The following MYO9B variants were observed in gnomAD, a reference collection of about 807,000 sequenced individuals.
MYO9B encodes the protein myosin IXB, also known as unconventional myosin-IXb.
Under a neutral mutation model 229.5 loss-of-function variants are expected in MYO9B, and 71 were observed. The observed-to-expected ratio is 0.31, with a 90% CI of 0.26 to 0.38. MYO9B has a LOEUF of 0.38. MYO9B is among the 10% of genes least tolerant of loss of function. MYO9B has a pLI of 1.00. For synonymous variants in MYO9B, 1,185 were observed against 1,235.8 expected (o/e 0.96, Z 0.86); for missense variants, 2,255 against 2,920.5 (o/e 0.77, Z 5.25).
chr19:17,125,169 C>G (rs1360480639), intron 2 of MYO9B, among the ~76,000 whole-genome samples: 3 of 151,922 alleles, frequency 2.0e-5, no homozygotes, highest in African/African-American at 7.3e-5. Flanking sequence ...GGCGTGGTGG[C>G]ACATGCCTGT....
At chr19:17,202,730 C>A in intron 28 of MYO9B, 112 bp from the exon 29 acceptor site, 1 of 1,075,628 alleles carries the variant, frequency 9.3e-7, no homozygotes, top group Non-Finnish European at 1.3e-6. Flanking sequence ...GATGCCACTC[C>A]AGGTGAGGGA....
intron 2 of MYO9B, among the ~76,000 whole-genome samples, chr19:17,132,046 T>A (rs35075018): frequency 0.18 from 26,931 of 151,282 alleles, 2,650 homozygotes; most frequent in East Asian, 0.29. Context: ...CGCCTGGCTA[T>A]TTTTTTCTTT....
chr19:17,211,617 C>G, intron 38 of MYO9B, 30 bp from the exon 39 acceptor site: 1 of 1,565,536 alleles, frequency 6.4e-7, no homozygotes, highest in Non-Finnish European at 8.7e-7. Flanking sequence ...GGTGGGGTGG[C>G]CTTGGACACC....
chr19:17,111,761 C>T (rs574715317), intron 2 of MYO9B, among the ~76,000 whole-genome samples: 4 of 152,244 alleles, frequency 2.6e-5, no homozygotes, highest in South Asian at 2.1e-4. Context: ...AAGGAGACCC[C>T]GTCCCCATCA....
chr19:17,140,113 GA>G (rs1475385711), intron 2 of MYO9B, among the ~76,000 whole-genome samples: 1 of 152,116 alleles, frequency 6.6e-6, no homozygotes, highest in African/African-American at 2.4e-5. Context: ...TGGAAACATA[GA>G]AGCAGTACAG....
intron 11 of MYO9B, among the ~76,000 whole-genome samples, chr19:17,168,752 G>A (rs1278027246): frequency 3.3e-5 from 5 of 152,028 alleles, no homozygotes; most frequent in East Asian, 1.9e-4. Context: ...AGCTGTGATC[G>A]TGTCACTGCA....
chr19:17,184,110 G>A (rs573099258), intron 16 of MYO9B: 54 of 544,310 alleles, frequency 9.9e-5, no homozygotes, highest in African/African-American at 8.7e-4. Flanking sequence ...GAGGGCTTAC[G>A]TGAGAAGGCA....
At chr19:17,175,987 G>A (rs570946297) in intron 14 of MYO9B, among the ~76,000 whole-genome samples, 35 of 148,320 alleles carry the variant, frequency 2.4e-4, no homozygotes, top group African/African-American at 8.2e-4. Context: ...CATGCGCCAC[G>A]ATGCCCAGCT....
chr19:17,123,753 G>A (rs2057988480), intron 2 of MYO9B, among the ~76,000 whole-genome samples: 1 of 152,032 alleles, frequency 6.6e-6, no homozygotes, highest in South Asian at 2.1e-4. Flanking sequence ...CACACACACA[G>A]CTTGGTTGAG....
rs377131993 is a variant in MYO9B at position 17,197,423 on chromosome 19, G to GGTAC, written c.4047-369_4047-368insGTAC. Among the ~76,000 whole-genome samples the GGTAC allele has an allele frequency of 2.5e-3, 297 of 120,506 alleles. 3 individuals carry two copies. The highest frequency in any genetic ancestry group is 7.7e-3 in the Middle Eastern group (2 of 260). The allele number at this position is 120,506 out of a possible 152,430, so 79.1% of individuals were successfully genotyped here. A position where few individuals can be genotyped will look rare whatever the true frequency, so the allele number is the denominator to read the frequency against. ...TAGATAGATGATAGATAGATAGATAGATAGATAGATAGATAGATAGATAGA... is the reference window on the plus strand; with the variant it reads ...TAGATAGATGATAGATAGATAGATAGGTACATAGATAGATAGATAGATAGATAGA... On this transcript the variant is annotated intron_variant, in intron 22 of 39. Transcript: ENST00000682292.
intron 3 of MYO9B, among the ~76,000 whole-genome samples, chr19:17,149,623 C>T (rs1018115639): frequency 2.6e-5 from 4 of 152,206 alleles, no homozygotes; most frequent in African/African-American, 4.8e-5. Flanking sequence ...CGGCTCAGAC[C>T]GGTTCTGCTT....
At chr19:17,096,203 G>A (rs1293963890) in intron 1 of MYO9B, among the ~76,000 whole-genome samples, 1 of 152,146 alleles carries the variant, frequency 6.6e-6, no homozygotes, top group African/African-American at 2.4e-5. Context: ...TGGTCAGTGT[G>A]TTCATTCGGT....
At chr19:17,102,638 C>T (rs908144728) in intron 2 of MYO9B, 81 bp downstream of exon 2, 1 of 1,454,772 alleles carries the variant, frequency 6.9e-7, no homozygotes, top group South Asian at 1.4e-5. Flanking sequence ...CGGTGGCCCA[C>T]ATCTATAATC....
rs187860647 is a variant in MYO9B, at chr19:17,111,252, G to A, written c.840+8695G>A. Among the ~76,000 whole-genome samples, 271 of 152,304 alleles carry A rather than the reference G, an allele frequency of 1.8e-3. 1 individual carries two copies. Among genetic ancestry groups the A allele is most frequent in the Admixed American group, 3.5e-3 (54 of 15,296 alleles). On this transcript the variant is annotated intron_variant, in intron 2 of 39. Transcript: ENST00000682292. Reference sequence around the variant, plus strand: ...GACATGTGAGGAAACTGAGGCACACGAGCTGCTCAGCAAGGGTGGCAGAGA... The same window carrying A: ...GACATGTGAGGAAACTGAGGCACACAAGCTGCTCAGCAAGGGTGGCAGAGA...
chr19:17,150,407 CAA>C (rs1210665341), intron 3 of MYO9B, among the ~76,000 whole-genome samples: 15 of 120,082 alleles, frequency 1.2e-4, no homozygotes, highest in South Asian at 2.8e-4. Flanking sequence ...GACTCCGTCT[CAA>C]AAAAAAAAAA....
chr19:17,207,146 A>G lies in MYO9B; in HGVS notation c.5526A>G (p.Ser1842=), dbSNP rs8110964. The change falls in exon 35 of 40, where the codon TCA becomes TCG. Residue 1842 remains serine, a synonymous_variant. Coordinates refer to ENST00000682292, the MANE Select transcript of MYO9B (RefSeq NM_004145.4). ...VALLEDVNRM[S]PGALAIIFAP... The stretch of plus-strand genomic sequence containing the variant: ...TGCTCGAGGATGTCAACCGCATGTC[A>G]CCTGGGGCGCTGGCCATTATCTTCG... The G allele has an allele frequency of 0.45, 721,920 of 1,606,788 alleles. 171,087 individuals carry two copies. The highest frequency in any genetic ancestry group is 0.76 in the East Asian group (33,629 of 44,510).
In MYO9B at chr19:17,194,842, G is replaced by A. The variant is rs747861301; in HGVS notation, c.3415G>A (p.Glu1139Lys). The A allele has an allele frequency of 3.7e-6, 6 of 1,613,290 alleles. No homozygotes were observed. Among genetic ancestry groups the A allele is most frequent in the South Asian group, 1.1e-5 (1 of 91,084 alleles). Reference protein sequence around the residue: ...PQKTVAAESHEKVPSSREKRE... With the variant: ...PQKTVAAESHKKVPSSREKRE... ...GAAAACCGTGGCGGCTGAAAGTCAC[G>A]AGAAAGTCCCCAGCAGCCGGGAGAA... The change falls in exon 22 of 40, where the codon GAG (glutamate) becomes AAG (lysine). Residue 1139 changes from glutamate (E) to lysine (K), a missense_variant. Transcript: ENST00000682292.
Position 17,101,737 on chromosome 19 carries a change from G to A in MYO9B, c.20G>A (p.Gly7Asp), listed in dbSNP as rs764181200. Residue 7 changes from glycine (G) to aspartate (D), a missense_variant, in exon 2 of 40, where the codon GGC (glycine) becomes GAC (aspartate). Physicochemically the swap from Gly to Asp is moderately conservative, Grantham distance 94. Coordinates refer to ENST00000682292, the MANE Select transcript of MYO9B (RefSeq NM_004145.4). The surrounding 1 kb of genome is among the most constrained non-coding windows in gnomAD (Gnocchi z 4.7). ...GGCAGGATGAGTGTGAAAGAGGCAG[G>A]CAGCTCGGGCCGCCGGGAGCAGGCG... MSVKEAGSSGRREQAAY... is the reference protein window; with the variant it reads MSVKEADSSGRREQAAY... 7 of 1,584,266 alleles carry A rather than the reference G, an allele frequency of 4.4e-6. No homozygotes were observed. The South Asian group carries it at 7.9e-5, about 18-fold the overall frequency.
At chr19:17,158,808 A>G (rs2072566003) in intron 7 of MYO9B, among the ~76,000 whole-genome samples, 1 of 152,168 alleles carries the variant, frequency 6.6e-6, no homozygotes, top group South Asian at 2.1e-4. Context: ...GCACTCACAT[A>G]AGGCCTGTAC....
Sources: gnomAD v4.1 joint callset for allele counts (sites outside exome capture counted in the v4.1 genomes callset) on GRCh38, gnomAD v4.1.1 for gene constraint, Gnocchi (gnomAD v3.1) non-coding constraint, MANE v1.5 for transcripts, NCBI Gene and HGNC (gene_info 2026-07-23, HGNC 2026-07-21) for gene names.